Variants in NTRK2 observed in about 807,000 individuals in gnomAD.
NTRK2 encodes neurotrophic receptor tyrosine kinase 2, also known as BDNF/NT-3 growth factors receptor.
A neutral mutation model predicts 94.5 loss-of-function variants in NTRK2; 13 were observed. The observed-to-expected ratio is 0.14, with a 90% CI of 0.09 to 0.22. NTRK2 has a LOEUF of 0.22. NTRK2 is among the 10% of genes least tolerant of loss of function. The pLI is 1.00. For synonymous variants in NTRK2, 372 were observed against 407.4 expected, an observed-to-expected ratio of 0.91 and a Z score of 1.05; for missense variants, 639 against 1,071.2, an observed-to-expected ratio of 0.60 and a Z score of 5.63.
chr9:84,727,890 A>G lies in NTRK2; in HGVS notation c.1090A>G (p.Lys364Glu). Residue 364 changes from lysine (K) to glutamate (E), a missense_variant, in exon 9 of 19, where the codon AAG (lysine) becomes GAG (glutamate). Physicochemically the swap from Lys to Glu is moderately conservative, Grantham distance 56. This residue lies in a region of NTRK2 where 343 missense variants were observed against 571.5 expected (regional missense o/e 0.60). Coordinates refer to ENST00000277120, the MANE Select transcript of NTRK2 (RefSeq NM_006180.6). Reference sequence around the variant, plus strand: ...CAATGGGGACTACACTCTAATAGCCAAGAATGAGTATGGGAAGGATGAGAA... The same window carrying G: ...CAATGGGGACTACACTCTAATAGCCGAGAATGAGTATGGGAAGGATGAGAA... Reference protein sequence around the residue: ...MNNGDYTLIAKNEYGKDEKQI... With the variant: ...MNNGDYTLIAENEYGKDEKQI... 1 of 1,614,232 alleles carries G rather than the reference A, an allele frequency of 6.2e-7. No homozygotes were observed. Among genetic ancestry groups the G allele is most frequent in the Non-Finnish European group, 8.5e-7 (1 of 1,180,036 alleles).
At position 84,948,722 on chromosome 9, in the gene NTRK2, C is replaced by T. The variant is rs2078680260; in HGVS notation, c.1937+88C>T. On this transcript the variant is annotated intron_variant, in intron 16 of 18. Transcript: ENST00000277120. ...GGTTCATGGGAGGGAACAAGGGACCCCTGGACCTTTCTCGAAGCATCTTAT... is the reference window on the plus strand; with the variant it reads ...GGTTCATGGGAGGGAACAAGGGACCTCTGGACCTTTCTCGAAGCATCTTAT... 103 of 1,196,106 alleles carry T rather than the reference C, an allele frequency of 8.6e-5. 1 individual carries two copies. The South Asian group carries it at 1.3e-3, about 15-fold the overall frequency. The allele number at this position is 1,196,106 out of a possible 1,614,324, so 74.1% of individuals were successfully genotyped here. A position where few individuals can be genotyped will look rare whatever the true frequency, so the allele number is the denominator to read the frequency against.
At chr9:84,942,655 C>A (rs562778665) in intron 15 of NTRK2, among the ~76,000 whole-genome samples, 1 of 151,696 alleles carries the variant, frequency 6.6e-6, no homozygotes, top group Non-Finnish European at 1.5e-5. Flanking sequence ...CTTATTTTAT[C>A]GATATAGTTT....
At chr9:84,795,678 C>T (rs919179909) in intron 12 of NTRK2, among the ~76,000 whole-genome samples, 1 of 152,198 alleles carries the variant, frequency 6.6e-6, no homozygotes, top group Non-Finnish European at 1.5e-5. Flanking sequence ...CCCACAGTGC[C>T]TCATCCTCAG....
intron 12 of NTRK2, among the ~76,000 whole-genome samples, chr9:84,856,726 C>A (rs180787231): frequency 3.9e-4 from 60 of 152,272 alleles, no homozygotes; most frequent in Non-Finnish European, 6.2e-4. Context: ...ATTCCATATT[C>A]CATGACAATG....
In NTRK2 at chr9:84,919,981, G is replaced by A. The variant is rs534157988; in HGVS notation, c.1634-14181G>A. ...AGTTGATGGCCACAATTGAACTGAAGCTTCCATTCTGCCTCTTATTCCTTG... is the reference window on the plus strand; with the variant it reads ...AGTTGATGGCCACAATTGAACTGAAACTTCCATTCTGCCTCTTATTCCTTG... On this transcript the variant is annotated intron_variant, in intron 14 of 18. Transcript: ENST00000277120. 4.6e-5 allele frequency among the ~76,000 whole-genome samples: 7 copies of A among 152,250 alleles called. No homozygotes were observed. The South Asian group carries it at 1.5e-3, about 32-fold the overall frequency.
At chr9:84,724,193 A>C (rs201819534) in intron 7 of NTRK2, 31 bp from the exon 8 acceptor site, 45 of 1,613,722 alleles carry the variant, frequency 2.8e-5, no homozygotes, top group South Asian at 4.4e-5. Flanking sequence ...ATCCTAATCA[A>C]GGTTATTTTT....
At chr9:84,986,447 T>G (rs988349795) in intron 17 of NTRK2, among the ~76,000 whole-genome samples, 1 of 152,166 alleles carries the variant, frequency 6.6e-6, no homozygotes, top group Non-Finnish European at 1.5e-5. Flanking sequence ...TTTATGAGAA[T>G]CTAATGCCAC....
At chr9:84,696,109 A>C (rs1459808697) in intron 2 of NTRK2, among the ~76,000 whole-genome samples, 1 of 152,134 alleles carries the variant, frequency 6.6e-6, no homozygotes, top group African/African-American at 2.4e-5. Flanking sequence ...TCTTGGACTC[A>C]AGTGATCCTC....
In NTRK2 at chr9:85,024,890, G is replaced by A. The variant is rs1022737237; in HGVS notation, c.*3453G>A. ...ATGTGTTCACATCAGCGCTACCTGTGATGTTTTCATGTATTTATGTATGTG... is the reference window on the plus strand; with the variant it reads ...ATGTGTTCACATCAGCGCTACCTGTAATGTTTTCATGTATTTATGTATGTG... On this transcript the variant is annotated 3_prime_UTR_variant, in exon 19 of 19. Transcript: ENST00000277120. The A allele has an allele frequency of 3.9e-5, 9 of 232,760 alleles. No individual in the cohort carries two copies. The highest frequency in any genetic ancestry group is 7.6e-5 in the Non-Finnish European group (9 of 117,872). The allele number at this position is 232,760 out of a possible 1,614,324, so 14.4% of individuals were successfully genotyped here.
intron 14 of NTRK2, among the ~76,000 whole-genome samples, chr9:84,893,811 G>A (rs959993963): frequency 3.3e-5 from 5 of 152,172 alleles, no homozygotes; most frequent in Non-Finnish European, 7.3e-5. Flanking sequence ...TGCCTTCAAT[G>A]TAGTAAAAGA....
chr9:84,840,965 C>T (rs977073496), intron 12 of NTRK2, among the ~76,000 whole-genome samples: 11 of 152,152 alleles, frequency 7.2e-5, no homozygotes, highest in Admixed American at 3.9e-4. Flanking sequence ...TGGCTCCAGG[C>T]TGCTGCATTC....
At chr9:84,729,486 C>G (rs1433643706) in intron 9 of NTRK2, among the ~76,000 whole-genome samples, 1 of 152,190 alleles carries the variant, frequency 6.6e-6, no homozygotes, top group Non-Finnish European at 1.5e-5. Context: ...ACAGTTAAAT[C>G]CAGAGACACT....
chr9:84,876,096 AT>A, intron 14 of NTRK2: 2 of 1,034,938 alleles, frequency 1.9e-6, no homozygotes, highest in Non-Finnish European at 2.3e-6. Context: ...TAATTAACAC[AT>A]TTTTTAACCA....
chr9:84,692,093 A>G (rs2060081963), intron 2 of NTRK2, among the ~76,000 whole-genome samples: 1 of 152,154 alleles, frequency 6.6e-6, no homozygotes, highest in South Asian at 2.1e-4. Context: ...TTCATGGTTT[A>G]ATATGGTAAA....
chr9:84,948,196 T>A (rs1052473301), intron 15 of NTRK2, among the ~76,000 whole-genome samples: 7 of 152,144 alleles, frequency 4.6e-5, no homozygotes, highest in Non-Finnish European at 1.0e-4. Context: ...AATTATTGGG[T>A]GCAGACCAGG....
At chr9:84,988,685 T>C (rs1407302972) in intron 17 of NTRK2, among the ~76,000 whole-genome samples, 1 of 152,216 alleles carries the variant, frequency 6.6e-6, no homozygotes, top group Non-Finnish European at 1.5e-5. Context: ...TAGGTTATCA[T>C]GAGGGTGAAA....
chr9:84,721,238 C>T (rs774020966), intron 6 of NTRK2, among the ~76,000 whole-genome samples: 7 of 151,354 alleles, frequency 4.6e-5, no homozygotes, highest in Admixed American at 2.6e-4. Context: ...TGCAATGGCG[C>T]GAGCTTGGCT....
chr9:84,866,979 T>C (rs2075625108), intron 13 of NTRK2, among the ~76,000 whole-genome samples: 1 of 152,206 alleles, frequency 6.6e-6, no homozygotes, highest in Non-Finnish European at 1.5e-5. Context: ...CCACGTGTTA[T>C]ATGGTTCCAT....
intron 16 of NTRK2, among the ~76,000 whole-genome samples, chr9:84,949,116 G>A (rs901448470): frequency 7.2e-5 from 11 of 152,188 alleles, no homozygotes; most frequent in African/African-American, 2.4e-4. Flanking sequence ...AGGCTGAAAG[G>A]GTGGGGCAGG....
Sources: gnomAD v4.1 joint callset for allele counts (sites outside exome capture counted in the v4.1 genomes callset) on GRCh38, gnomAD v4.1.1 for gene constraint, gnomAD v4.1.1 regional missense constraint, MANE v1.5 for transcripts, NCBI Gene and HGNC (gene_info 2026-07-23, HGNC 2026-07-21) for gene names.